Variants in SORCS1 observed in about 807,000 individuals in gnomAD.
SORCS1 encodes VPS10 domain-containing receptor SorCS1.
Under a neutral mutation model 146.1 loss-of-function variants are expected in SORCS1, and 60 were observed. That is an observed-to-expected ratio of 0.41 (90% CI 0.33 to 0.51). The LOEUF is 0.51. Among genes scored for constraint, SORCS1 ranks in the 20% least tolerant of loss-of-function variants. The probability of loss-of-function intolerance (pLI) is 0.21; values close to 1 mark genes in which losing one functional copy is unlikely to be tolerated. For missense variants in SORCS1, 1,352 were observed against 1,487.6 expected (o/e 0.91, Z 1.50); for synonymous variants, 637 against 584.0 (o/e 1.09, Z -1.31).
intron 14 of SORCS1, among the ~76,000 whole-genome samples, chr10:106,674,239 G>A (rs997628398): frequency 1.4e-5 from 2 of 142,996 alleles, no homozygotes; most frequent in Non-Finnish European, 3.0e-5. Flanking sequence ...TAAGGCAGGA[G>A]AATGGCATGA....
chr10:106,901,285 G>GT (rs902589891), intron 2 of SORCS1, among the ~76,000 whole-genome samples: 19 of 152,194 alleles, frequency 1.2e-4, no homozygotes, highest in East Asian at 1.9e-4. Context: ...CATTTCTATA[G>GT]TTTTTTTTAT....
chr10:106,691,110 C>T (rs534594584), intron 9 of SORCS1, among the ~76,000 whole-genome samples: 99 of 152,262 alleles, frequency 6.5e-4, no homozygotes, highest in African/African-American at 2.2e-3. Context: ...TGAGGTTCCA[C>T]TGAGGATGAG....
At position 107,079,130 on chromosome 10, in the gene SORCS1, T is replaced by C. The variant is rs572265783; in HGVS notation, c.558+84839A>G. Among the ~76,000 whole-genome samples, 7 of 151,138 alleles carry C rather than the reference T, an allele frequency of 4.6e-5. No individual in the cohort carries two copies. In the South Asian group the frequency reaches 8.4e-4, roughly 18 times the overall value. On this transcript the variant is annotated intron_variant, in intron 1 of 25. Transcript: ENST00000263054. ...AGTCCCAGCTACTTGGGAGGCTGAG[T>C]CAGGAAAATGACATGAACCCGGGAG...
chr10:106,623,167 A>C (rs1232866599), intron 19 of SORCS1, among the ~76,000 whole-genome samples: 1 of 152,074 alleles, frequency 6.6e-6, no homozygotes, highest in South Asian at 2.1e-4. Context: ...ATACATTAGA[A>C]TACAATGACT....
intron 2 of SORCS1, among the ~76,000 whole-genome samples, chr10:106,875,970 G>C (rs1950575573): frequency 6.6e-6 from 1 of 151,834 alleles, no homozygotes. Flanking sequence ...TATAGGCTAT[G>C]ATCAGTTATC....
intron 2 of SORCS1, among the ~76,000 whole-genome samples, chr10:106,927,496 G>A (rs570463750): frequency 7.9e-5 from 12 of 152,080 alleles, no homozygotes; most frequent in Non-Finnish European, 1.3e-4. Flanking sequence ...TGCAAAGAGC[G>A]AAAGAATAAA....
intron 18 of SORCS1, among the ~76,000 whole-genome samples, chr10:106,634,328 G>T (rs901663930): frequency 1.7e-4 from 26 of 152,264 alleles, no homozygotes; most frequent in African/African-American, 5.5e-4. Flanking sequence ...TTTGAAAGTT[G>T]CACATTTCTA....
intron 23 of SORCS1, among the ~76,000 whole-genome samples, chr10:106,602,471 ACTAAATT>A (rs968968524): frequency 2.6e-5 from 4 of 151,514 alleles, no homozygotes; most frequent in African/African-American, 9.7e-5. Flanking sequence ...GGAGCCAAAT[ACTAAATT>A]CTAATTAACA....
intron 2 of SORCS1, among the ~76,000 whole-genome samples, chr10:106,875,532 T>G (rs865890542): frequency 1.3e-5 from 2 of 152,130 alleles, no homozygotes; most frequent in South Asian, 4.1e-4. Context: ...CTTTAAGGAA[T>G]CTCCATACTG....
At chr10:106,909,384 CAGAGAG>C (rs3045086) in intron 2 of SORCS1, among the ~76,000 whole-genome samples, 3 of 149,906 alleles carry the variant, frequency 2.0e-5, no homozygotes, top group South Asian at 2.1e-4. Context: ...ATACAAATGA[CAGAGAG>C]AGAGAGAGAG....
the SORCS1 span, among the ~76,000 whole-genome samples, chr10:107,178,471 C>T: frequency 0.075 from 11,366 of 150,840 alleles, 464 homozygotes; most frequent in African/African-American, 0.11. Context: ...GGATTTCATT[C>T]TCTTTAAAAT....
intron 4 of SORCS1, among the ~76,000 whole-genome samples, chr10:106,771,130 T>C (rs1000125352): frequency 5.3e-5 from 8 of 152,222 alleles, no homozygotes; most frequent in Non-Finnish European, 7.3e-5. Flanking sequence ...CACGTCTCCG[T>C]TGCAAATCCT....
chr10:106,825,887 G>A (rs1341371644), intron 3 of SORCS1, among the ~76,000 whole-genome samples: 1 of 152,042 alleles, frequency 6.6e-6, no homozygotes, highest in Non-Finnish European at 1.5e-5. Context: ...AACAATCTAG[G>A]CTAATACCTA....
chr10:106,607,939 CT>C (rs1324883574), intron 22 of SORCS1, among the ~76,000 whole-genome samples: 2 of 152,170 alleles, frequency 1.3e-5, no homozygotes, highest in African/African-American at 4.8e-5. Flanking sequence ...CTGAAGCACC[CT>C]GAGCCCTCCA....
intron 10 of SORCS1, among the ~76,000 whole-genome samples, chr10:106,685,236 A>G (rs1852738453): frequency 6.6e-6 from 1 of 152,140 alleles, no homozygotes; most frequent in Middle Eastern, 3.2e-3. Flanking sequence ...ACACCTTTCG[A>G]TGGAGTGCAC....
chr10:107,022,549 A>G (rs936279127), intron 1 of SORCS1, among the ~76,000 whole-genome samples: 19 of 152,092 alleles, frequency 1.2e-4, no homozygotes, highest in Non-Finnish European at 2.6e-4. Flanking sequence ...AGTGAGCTCA[A>G]GATCTCCTAC....
chr10:106,703,033 T>C (rs916029272), intron 8 of SORCS1, among the ~76,000 whole-genome samples: 5 of 152,318 alleles, frequency 3.3e-5, no homozygotes, highest in Admixed American at 2.0e-4. Flanking sequence ...TGTTACTCTC[T>C]AGGCAAGAAA....
intron 1 of SORCS1, among the ~76,000 whole-genome samples, chr10:107,029,696 T>A (rs947014446): frequency 3.3e-5 from 5 of 152,202 alleles, no homozygotes; most frequent in African/African-American, 1.2e-4. Context: ...ATTGATACTT[T>A]AGACATTACA....
At chr10:106,666,627 G>T (rs937969584) in intron 17 of SORCS1, among the ~76,000 whole-genome samples, 6 of 151,058 alleles carry the variant, frequency 4.0e-5, no homozygotes, top group African/African-American at 1.5e-4. Flanking sequence ...TGCAATCCCG[G>T]CTCACTGCAA....
Sources: gnomAD v4.1 joint callset for allele counts (sites outside exome capture counted in the v4.1 genomes callset) on GRCh38, gnomAD v4.1.1 for gene constraint, MANE v1.5 for transcripts, NCBI Gene and HGNC (gene_info 2026-07-23, HGNC 2026-07-21) for gene names.